MYT1: variants seen among roughly 807,000 people sequenced by gnomAD.
MYT1 encodes myelin transcription factor I.
In MYT1, 23 loss-of-function variants were observed where a neutral mutation model predicts 123.0. That is an observed-to-expected ratio of 0.19 (90% CI 0.13 to 0.26). The LOEUF (loss-of-function observed/expected upper bound fraction) is 0.26, where lower values mean the gene tolerates loss of function less well. MYT1 is among the 10% of genes least tolerant of loss of function. MYT1 has a pLI of 1.00. For synonymous variants in MYT1, 518 were observed against 575.3 expected (o/e 0.90, Z 1.43); for missense variants, 1,125 against 1,472.5 (o/e 0.76, Z 3.86).
At chr20:64,180,755 G>A (rs59788404) in intron 1 of MYT1, among the ~76,000 whole-genome samples, 1 of 152,304 alleles carries the variant, frequency 6.6e-6, no homozygotes, top group East Asian at 1.9e-4. Flanking sequence ...TTCCTTTGTA[G>A]CGTTGAGCGT....
intron 10 of MYT1, among the ~76,000 whole-genome samples, chr20:64,214,435 T>C (rs185941593): frequency 2.0e-5 from 3 of 152,354 alleles, no homozygotes; most frequent in Non-Finnish European, 2.9e-5. Flanking sequence ...TAAGGATCTT[T>C]CAGAATGTGT....
At chr20:64,201,694 T>C (rs1487194477) in intron 4 of MYT1, among the ~76,000 whole-genome samples, 1 of 152,184 alleles carries the variant, frequency 6.6e-6, no homozygotes, top group African/African-American at 2.4e-5. Flanking sequence ...CCCAGAGACC[T>C]GTTTACCAGC....
intron 5 of MYT1, 113 bp from the exon 6 acceptor site, chr20:64,205,440 A>G: frequency 6.8e-7 from 1 of 1,472,198 alleles, no homozygotes; most frequent in Non-Finnish European, 9.2e-7. Context: ...CAAGGACTGG[A>G]TGAGTCTGTG....
chr20:64,240,053 C>A, intron 22 of MYT1, 150 bp downstream of exon 22: 1 of 1,291,596 alleles, frequency 7.7e-7, no homozygotes, highest in Non-Finnish European at 1.1e-6. Context: ...CCCCGAATGG[C>A]CCGGGCTGTT....
rs1984326560 is a variant in MYT1 at position 64,231,720 on chromosome 20, T to G, written c.2676-444T>G. ...CTTAGGGGACCTTGTCATTCTTTTG[T>G]GATCCATAGGCCCCCAGGCCTATGC... On this transcript the variant is annotated intron_variant, in intron 18 of 22. Coordinates refer to ENST00000328439, the MANE Select transcript of MYT1 (RefSeq NM_004535.3). This position sits in a 1 kb window ranked among gnomAD's most constrained non-coding sequence, Gnocchi z 6.4. Among the ~76,000 whole-genome samples, 1 of 152,154 alleles carries G rather than the reference T, an allele frequency of 6.6e-6. No homozygotes were observed. The highest frequency in any genetic ancestry group is 1.5e-5 in the Non-Finnish European group (1 of 68,020).
chr20:64,204,130 A>G (rs1295361328), intron 4 of MYT1, among the ~76,000 whole-genome samples: 1 of 151,896 alleles, frequency 6.6e-6, no homozygotes, highest in Non-Finnish European at 1.5e-5. Context: ...TACATGGTGA[A>G]CTCTGGCCTT....
rs780865982 is a variant in MYT1 at position 64,207,887 on chromosome 20, C to G, written c.691C>G (p.Arg231Gly). The change falls in exon 7 of 23, where the codon CGC (arginine) becomes GGC (glycine). Residue 231 changes from arginine to glycine, a missense_variant. This residue lies in a region of MYT1 where 406 missense variants were observed against 432.2 expected (regional missense o/e 0.94). Transcript: ENST00000328439. ...GGAGGTCGTCGAAGTCACCACCGAG[C>G]GCTCCCAGGACCTGTGTCCCCAGTC... ...AEEVVEVTTERSQDLCPQSLE... is the reference protein window; with the variant it reads ...AEEVVEVTTEGSQDLCPQSLE... 2 of 1,612,934 alleles carry G rather than the reference C, an allele frequency of 1.2e-6. No homozygotes were observed. The highest frequency in any genetic ancestry group is 1.1e-5 in the South Asian group (1 of 90,968).
rs983819932 is a variant in MYT1, at chr20:64,185,232, A to C, written c.-98-4831A>C. ...AGAGTTGATATTCCTGGGAACTTTC[A>C]TTGACAGTGGGAAGGAGGTGGGTAT... On this transcript the variant is annotated intron_variant, in intron 1 of 22. Coordinates refer to ENST00000328439, the MANE Select transcript of MYT1 (RefSeq NM_004535.3). This position sits in a 1 kb window ranked among gnomAD's most constrained non-coding sequence, Gnocchi z 4.5. Among the ~76,000 whole-genome samples, 1 of 152,150 alleles carries C rather than the reference A, an allele frequency of 6.6e-6. No homozygotes were observed. The highest frequency in any genetic ancestry group is 3.2e-3 in the Middle Eastern group (1 of 316).
intron 3 of MYT1, 132 bp from the exon 4 acceptor site, chr20:64,199,760 G>A: frequency 9.7e-7 from 1 of 1,032,532 alleles, no homozygotes; most frequent in East Asian, 2.4e-5. Flanking sequence ...AACGGCTCAG[G>A]TCTCACTGAG....
chr20:64,188,083 G>A (rs1359810475), intron 1 of MYT1, among the ~76,000 whole-genome samples: 5 of 152,200 alleles, frequency 3.3e-5, no homozygotes, highest in South Asian at 2.1e-4. Flanking sequence ...TAAGGGATGT[G>A]GGCAACGAAG....
intron 1 of MYT1, among the ~76,000 whole-genome samples, chr20:64,171,026 C>T (rs1982262787): frequency 1.3e-5 from 2 of 150,678 alleles, no homozygotes; most frequent in African/African-American, 4.9e-5. Context: ...CCGTCTGCCT[C>T]AGTCTCCCAA....
At chr20:64,197,112 A>G (rs753492076) in intron 2 of MYT1, among the ~76,000 whole-genome samples, 3 of 152,220 alleles carry the variant, frequency 2.0e-5, no homozygotes, top group Non-Finnish European at 4.4e-5. Flanking sequence ...TAGAAATTGT[A>G]GTAATTGTCT....
chr20:64,241,152 A>C lies in MYT1; in HGVS notation c.*704A>C, dbSNP rs41309381. ...GTATGGCCTTGGGTCACAGCTCCCT[A>C]CTGGGGCTGCAGCCTTTAGACCCTG... On this transcript the variant is annotated 3_prime_UTR_variant, in exon 23 of 23. Transcript: ENST00000328439. The surrounding 1 kb of genome is among the most constrained non-coding windows in gnomAD (Gnocchi z 4.2). 0.1 allele frequency: 15,271 copies of C among 152,176 alleles called. 852 individuals carry two copies. Among genetic ancestry groups the C allele is most frequent in the South Asian group, 0.13 (608 of 4,822 alleles). 9.4% of individuals were successfully genotyped at this position (152,176 alleles called of 1,614,324 possible).
rs894931719 is a variant in MYT1, at chr20:64,208,636, G to A, written c.1291+149G>A. The A allele has an allele frequency of 4.7e-5, 63 of 1,343,246 alleles. No homozygotes were observed. Among genetic ancestry groups the A allele is most frequent in the Non-Finnish European group, 6.2e-5 (63 of 1,013,846 alleles). 83.2% of individuals were successfully genotyped at this position (1,343,246 alleles called of 1,614,324 possible). A position where few individuals can be genotyped will look rare whatever the true frequency, so the allele number is the denominator to read the frequency against. ...GGACAAATACATGACACAGACTGTG[G>A]TCAGATACTGAGCAAATGGGTTCCC... is the stretch of plus-strand genomic sequence containing the variant. On this transcript the variant is annotated intron_variant, in intron 7 of 22. Transcript: ENST00000328439. This position sits in a 1 kb window ranked among gnomAD's most constrained non-coding sequence, Gnocchi z 5.4.
intron 13 of MYT1, among the ~76,000 whole-genome samples, chr20:64,220,324 T>G (rs542996234): frequency 4.6e-5 from 7 of 152,252 alleles, no homozygotes; most frequent in Non-Finnish European, 8.8e-5. Context: ...AGGAGTTGAT[T>G]GGGGAAAAGC....
chr20:64,240,170 G>A, intron 22 of MYT1, 150 bp from the exon 23 acceptor site: 1 of 1,161,292 alleles, frequency 8.6e-7, no homozygotes. Flanking sequence ...TGCTGGGATG[G>A]CTGCAGAGAG....
At chr20:64,227,802 A>C in intron 17 of MYT1, 86 bp from the exon 18 acceptor site, 1 of 922,840 alleles carries the variant, frequency 1.1e-6, no homozygotes, top group Non-Finnish European at 1.7e-6. Flanking sequence ...GGGGTCACAG[A>C]GCTTGAGGGG....
Position 64,232,504 on chromosome 20 carries a change from A to G in MYT1, c.2897+119A>G. ...GGGCTCCGTGTGACCAGAGTTGCTC[A>G]AGGGAAAGGCCAGGCCACATGGGTA... On this transcript the variant is annotated intron_variant, in intron 19 of 22. Coordinates refer to ENST00000328439, the MANE Select transcript of MYT1 (RefSeq NM_004535.3). The surrounding 1 kb of genome is among the most constrained non-coding windows in gnomAD (Gnocchi z 6.9). 1 of 1,015,470 alleles carries G rather than the reference A, an allele frequency of 9.8e-7. No individual in the cohort carries two copies. The highest frequency in any genetic ancestry group is 1.5e-5 in the South Asian group (1 of 67,526). The allele number at this position is 1,015,470 out of a possible 1,614,324, so 62.9% of individuals were successfully genotyped here.
At chr20:64,229,843 G>C (rs1025109075) in intron 18 of MYT1, among the ~76,000 whole-genome samples, 17 of 152,216 alleles carry the variant, frequency 1.1e-4, no homozygotes, top group African/African-American at 4.1e-4. Context: ...GGTCATAAAA[G>C]TCTTGCGGAG....
Sources: gnomAD v4.1 joint callset for allele counts (sites outside exome capture counted in the v4.1 genomes callset) on GRCh38, gnomAD v4.1.1 for gene constraint, gnomAD v4.1.1 regional missense constraint, Gnocchi (gnomAD v3.1) non-coding constraint, MANE v1.5 for transcripts, NCBI Gene and HGNC (gene_info 2026-07-23, HGNC 2026-07-21) for gene names.